Variants in ADAMTSL1 observed in about 807,000 individuals in gnomAD.
The protein encoded by ADAMTSL1 is ADAMTS-like protein 1.
A neutral mutation model predicts 201.8 loss-of-function variants in ADAMTSL1; 126 were observed. The ratio of observed to expected loss-of-function variants is 0.62; its 90% confidence interval spans 0.54 to 0.72. ADAMTSL1 has a LOEUF of 0.72. ADAMTSL1 is among the 30% of genes least tolerant of loss of function. ADAMTSL1 has a pLI of 0.00. For synonymous variants in ADAMTSL1, 1,121 were observed against 903.4 expected (o/e 1.24, Z -4.32); for missense variants, 2,679 against 2,277.8 (o/e 1.18, Z -3.59).
chr9:18,275,646 A>G (rs1197154969), intron 2 of ADAMTSL1, among the ~76,000 whole-genome samples: 1 of 152,158 alleles, frequency 6.6e-6, no homozygotes, highest in Admixed American at 6.5e-5. Flanking sequence ...TGTTTCACAT[A>G]GCATGTTTTT....
chr9:18,018,698 A>G (rs911191485), intron 1 of ADAMTSL1, among the ~76,000 whole-genome samples: 4 of 152,064 alleles, frequency 2.6e-5, no homozygotes, highest in African/African-American at 9.7e-5. Flanking sequence ...GGATGAGACC[A>G]CAGCCCCAGT....
chr9:18,727,948 C>T (rs865964981), intron 15 of ADAMTSL1, among the ~76,000 whole-genome samples: 10 of 152,080 alleles, frequency 6.6e-5, no homozygotes, highest in South Asian at 2.1e-4. Context: ...GGTGTGGTGG[C>T]GTGCCCCTGT....
chr9:18,715,753 A>C (rs939993458), intron 14 of ADAMTSL1, among the ~76,000 whole-genome samples: 2 of 151,732 alleles, frequency 1.3e-5, no homozygotes, highest in African/African-American at 4.8e-5. Flanking sequence ...GTTCATATGG[A>C]ACCAAAAAAG....
At chr9:18,669,299 C>A (rs1463958681) in intron 9 of ADAMTSL1, among the ~76,000 whole-genome samples, 6 of 152,142 alleles carry the variant, frequency 3.9e-5, no homozygotes, top group African/African-American at 1.4e-4. Context: ...AATATTAGTC[C>A]CACTTATTTA....
Position 18,297,986 on chromosome 9 carries a change from C to T in ADAMTSL1, c.207+134005C>T, listed in dbSNP as rs918197306. On this transcript the variant is annotated intron_variant, in intron 2 of 29. Transcript: ENST00000680146. ...CGTCCTATTTCACCTGTTTCTTTAA[C>T]ATGAGATGATAAAGTAGCATCATAA... Among the ~76,000 whole-genome samples, 5 of 152,288 alleles carry T rather than the reference C, an allele frequency of 3.3e-5. No homozygotes were observed. The East Asian group carries it at 7.7e-4, about 24-fold the overall frequency.
intron 1 of ADAMTSL1, among the ~76,000 whole-genome samples, chr9:18,117,860 A>G (rs1220491167): frequency 1.3e-5 from 2 of 152,150 alleles, no homozygotes; most frequent in Non-Finnish European, 2.9e-5. Flanking sequence ...ATGCATAGCT[A>G]CCTTGCTTCT....
intron 2 of ADAMTSL1, among the ~76,000 whole-genome samples, chr9:18,251,250 T>A (rs1188556880): frequency 1.3e-5 from 2 of 152,078 alleles, no homozygotes; most frequent in Admixed American, 1.3e-4. Flanking sequence ...CAGCATGCAC[T>A]CATAAGAGTT....
intron 7 of ADAMTSL1, among the ~76,000 whole-genome samples, chr9:18,643,565 C>G (rs1378075474): frequency 6.6e-6 from 1 of 152,010 alleles, no homozygotes; most frequent in African/African-American, 2.4e-5. Context: ...AGTCTTTAAT[C>G]CATTTTAAGT....
chr9:18,176,262 G>T (rs745482531), intron 2 of ADAMTSL1, among the ~76,000 whole-genome samples: 10 of 151,934 alleles, frequency 6.6e-5, no homozygotes, highest in African/African-American at 2.2e-4. Context: ...ACACTACTTT[G>T]TTTTTCCAGC....
At chr9:18,075,223 C>G (rs1223217835) in intron 1 of ADAMTSL1, among the ~76,000 whole-genome samples, 2 of 152,120 alleles carry the variant, frequency 1.3e-5, no homozygotes, top group East Asian at 1.9e-4. Flanking sequence ...TCATTTCTTA[C>G]TTAGTCTAAT....
At chr9:18,205,945 T>C (rs1587308345) in intron 2 of ADAMTSL1, among the ~76,000 whole-genome samples, 1 of 149,980 alleles carries the variant, frequency 6.7e-6, no homozygotes, top group African/African-American at 2.5e-5. Flanking sequence ...TCCCAGCTAC[T>C]TGGGAGGCTG....
intron 4 of ADAMTSL1, among the ~76,000 whole-genome samples, chr9:18,581,393 C>G (rs940773869): frequency 2.2e-4 from 34 of 152,274 alleles, no homozygotes; most frequent in African/African-American, 7.9e-4. Context: ...TTTAGCTTAT[C>G]TTTTGGGGGA....
At chr9:18,474,133 A>G, upstream of ADAMTSL1, 2 of 937,314 alleles carry the variant, frequency 2.1e-6, no homozygotes, top group Non-Finnish European at 3.2e-6. Flanking sequence ...GCTGATAGGC[A>G]GGACTGGAGT....
chr9:18,497,843 A>G (rs925161127), intron 1 of ADAMTSL1, among the ~76,000 whole-genome samples: 9 of 152,342 alleles, frequency 5.9e-5, no homozygotes, highest in Non-Finnish European at 8.8e-5. Flanking sequence ...GCTATAATCC[A>G]GGCTTGACCT....
chr9:18,185,474 C>T (rs928323488), intron 2 of ADAMTSL1, among the ~76,000 whole-genome samples: 3 of 152,052 alleles, frequency 2.0e-5, no homozygotes, highest in Non-Finnish European at 4.4e-5. Flanking sequence ...CGGTCCTGAC[C>T]CACAGAAACT....
chr9:18,023,977 T>C (rs1288321969), intron 1 of ADAMTSL1, among the ~76,000 whole-genome samples: 1 of 152,128 alleles, frequency 6.6e-6, no homozygotes, highest in Non-Finnish European at 1.5e-5. Flanking sequence ...TACTTTTCTT[T>C]TATAGATCTT....
chr9:18,400,013 G>C (rs1315809287), intron 2 of ADAMTSL1, among the ~76,000 whole-genome samples: 1 of 152,152 alleles, frequency 6.6e-6, no homozygotes, highest in East Asian at 1.9e-4. Context: ...TGTCTAATTA[G>C]TGATGATTGA....
At chr9:18,517,421 A>ATT (rs144280249) in intron 2 of ADAMTSL1, among the ~76,000 whole-genome samples, 2 of 150,462 alleles carry the variant, frequency 1.3e-5, no homozygotes, top group African/African-American at 2.4e-5. Context: ...TTTTTAATTT[A>ATT]TTTTTTTTTA....
intron 14 of ADAMTSL1, among the ~76,000 whole-genome samples, chr9:18,716,105 T>G (rs980719732): frequency 1.3e-5 from 2 of 151,258 alleles, no homozygotes; most frequent in African/African-American, 4.9e-5. Flanking sequence ...ATTAAAGACT[T>G]AAACGTTAGA....
Sources: allele counts gnomAD v4.1 joint callset (sites outside exome capture counted in the v4.1 genomes callset), GRCh38; gene constraint gnomAD v4.1.1; transcripts MANE v1.5; gene names NCBI Gene and HGNC (gene_info 2026-07-23, HGNC 2026-07-21).